The following INHBA variants were observed in gnomAD, a reference collection of about 807,000 sequenced individuals.
The protein encoded by INHBA is inhibin subunit beta A.
In INHBA, 1 loss-of-function variant was observed where a neutral mutation model predicts 29.0. The observed-to-expected ratio is 0.03, with a 90% CI of 0.01 to 0.16. The LOEUF (loss-of-function observed/expected upper bound fraction) is 0.16. INHBA is among the 10% of genes least tolerant of loss of function. The pLI, the probability that INHBA is intolerant of heterozygous loss-of-function variation, is 1.00. For missense variants in INHBA, 376 were observed against 545.4 expected (o/e 0.69, Z 3.09); for synonymous variants, 242 against 216.8 (o/e 1.12, Z -1.02).
intron 2 of INHBA, among the ~76,000 whole-genome samples, chr7:41,695,128 TA>T (rs1449356848): frequency 6.6e-6 from 1 of 152,238 alleles, no homozygotes; most frequent in African/African-American, 2.4e-5. Flanking sequence ...CATTTTCAGT[TA>T]AATAAGCAAC....
rs1161409115 is a variant in INHBA, at chr7:41,686,602, A to T, written c.*3048T>A. ...TATACTTCTATTTCAAAGCCATATA[A>T]ATTTAACAAAATTAAAGTTTGTGGG... On this transcript the variant is annotated 3_prime_UTR_variant, in exon 3 of 3. Transcript: ENST00000242208. 3 of 152,220 alleles carry T rather than the reference A, an allele frequency of 2.0e-5. No homozygotes were observed. The highest frequency in any genetic ancestry group is 7.2e-5 in the African/African-American group (3 of 41,456). 9.4% of individuals were successfully genotyped at this position (152,220 alleles called of 1,614,324 possible). A position where few individuals can be genotyped will look rare whatever the true frequency, so the allele number is the denominator to read the frequency against.
chr7:41,700,001 G>A lies in INHBA; in HGVS notation c.374C>T (p.Thr125Met). The A allele has an allele frequency of 2.0e-6, 3 of 1,520,528 alleles. No homozygotes were observed. In the South Asian group the frequency reaches 3.5e-5, roughly 18 times the overall value. The allele number at this position is 1,520,528 out of a possible 1,614,324, so 94.2% of individuals were successfully genotyped here. ...ELMEQTSEII[T>M]FAESGTARKT... ...CCAGCACCAACCTGACTCGGCAAAC[G>A]TGATGATCTCCGAGGTCTGCTCCAT... Residue 125 changes from threonine (T) to methionine (M), a missense_variant, in exon 2 of 3, where the codon ACG (threonine) becomes ATG (methionine). Physicochemically the swap from Thr to Met is moderately conservative, Grantham distance 81 (BLOSUM62 -1). Around this residue, in one of 4 missense-constraint regions of INHBA, gnomAD observed 253 missense variants for 313.4 expected, o/e 0.81. Coordinates refer to ENST00000242208, the MANE Select transcript of INHBA (RefSeq NM_002192.4).
intron 2 of INHBA, chr7:41,691,110 C>T (rs1057373793): frequency 6.6e-6 from 1 of 152,334 alleles, no homozygotes. Context: ...AATGAGATAA[C>T]ATAAACAAAA....
Position 41,685,540 on chromosome 7 carries a change from A to G in INHBA, c.*4110T>C, listed in dbSNP as rs917953835. Reference sequence around the variant, plus strand: ...AACAACATCAACCACAGAACATAAAAAGTTTTAAAATAAAACAGGCTTCAG... The same window carrying G: ...AACAACATCAACCACAGAACATAAAGAGTTTTAAAATAAAACAGGCTTCAG... On this transcript the variant is annotated 3_prime_UTR_variant, in exon 3 of 3. Coordinates refer to ENST00000242208, the MANE Select transcript of INHBA (RefSeq NM_002192.4). 1.3e-5 allele frequency: 2 copies of G among 152,084 alleles called. No individual in the cohort carries two copies. The highest frequency in any genetic ancestry group is 4.8e-5 in the African/African-American group (2 of 41,444). The allele number at this position is 152,084 out of a possible 1,614,324, so 9.4% of individuals were successfully genotyped here.
At chr7:41,702,103 G>A (rs1794810237) in intron 1 of INHBA, among the ~76,000 whole-genome samples, 1 of 152,138 alleles carries the variant, frequency 6.6e-6, no homozygotes, top group South Asian at 2.1e-4. Context: ...AGCCCTCTTG[G>A]TTTCTGAAGA....
chr7:41,703,828 C>G (rs142216126), upstream of INHBA, among the ~76,000 whole-genome samples: 70 of 152,006 alleles, frequency 4.6e-4, no homozygotes, highest in Non-Finnish European at 6.9e-4. Context: ...ATGCATCATT[C>G]TTTTTTACCA....
In INHBA at chr7:41,690,555, GAC is replaced by G. The variant is rs1794479710; in HGVS notation, c.389-15_389-14del. 6.4e-7 allele frequency: 1 copy of G among 1,570,084 alleles called. No homozygotes were observed. The highest frequency in any genetic ancestry group is 1.4e-5 in the African/African-American group (1 of 73,408). On this transcript the variant is annotated splice_polypyrimidine_tract_variant and intron_variant, in intron 2 of 2. Transcript: ENST00000242208. Reference sequence around the variant, plus strand: ...TTCCTGGCTGTTCCTGAAGATGAAAGACAGCATAAGAGAAAACAGGCACACCT... The same window carrying G: ...TTCCTGGCTGTTCCTGAAGATGAAAGAGCATAAGAGAAAACAGGCACACCT...
At chr7:41,691,418 C>T (rs370133900) in intron 2 of INHBA, 1 of 152,268 alleles carries the variant, frequency 6.6e-6, no homozygotes, top group South Asian at 2.1e-4. Flanking sequence ...TCTTGAAAGT[C>T]CTTTACTGAA....
At chr7:41,703,268 G>C (rs991905816), upstream of INHBA, among the ~76,000 whole-genome samples, 4 of 152,170 alleles carry the variant, frequency 2.6e-5, no homozygotes, top group African/African-American at 9.7e-5. Context: ...CCTGGCTTCT[G>C]AGACACTACT....
chr7:41,691,831 G>A (rs1003893132), intron 2 of INHBA: 4 of 152,088 alleles, frequency 2.6e-5, no homozygotes, highest in Admixed American at 6.6e-5. Flanking sequence ...AAATAGAGGC[G>A]TCCTTAGCAT....
Position 41,700,015 on chromosome 7 carries a change from G to A in INHBA, c.360C>T (p.Thr120=), listed in dbSNP as rs1193769190. The change falls in exon 2 of 3, where the codon ACC becomes ACT. Residue 120 remains threonine, a synonymous_variant. Coordinates refer to ENST00000242208, the MANE Select transcript of INHBA (RefSeq NM_002192.4). ...RAEMNELMEQ[T]SEIITFAESG... ...ACTCGGCAAACGTGATGATCTCCGA[G>A]GTCTGCTCCATAAGTTCATTCATTT... The A allele has an allele frequency of 3.1e-6, 5 of 1,597,462 alleles. No homozygotes were observed. The South Asian group carries it at 5.5e-5, about 18-fold the overall frequency.
chr7:41,686,344 GC>G lies in INHBA; in HGVS notation c.*3305del, dbSNP rs1794392041. 1.3e-5 allele frequency: 2 copies of G among 152,202 alleles called. No homozygotes were observed. The highest frequency in any genetic ancestry group is 4.1e-4 in the South Asian group (2 of 4,822). The allele number at this position is 152,202 out of a possible 1,614,324, so 9.4% of individuals were successfully genotyped here. A position where few individuals can be genotyped will look rare whatever the true frequency, so the allele number is the denominator to read the frequency against. Reference sequence around the variant, plus strand: ...GATTGGTGTGGGCAGATTTTTAAGAGCCTAGAGTTTAGTCTTAGAGAAAGAG... The same window carrying G: ...GATTGGTGTGGGCAGATTTTTAAGAGCTAGAGTTTAGTCTTAGAGAAAGAG... On this transcript the variant is annotated 3_prime_UTR_variant, in exon 3 of 3. Coordinates refer to ENST00000242208, the MANE Select transcript of INHBA (RefSeq NM_002192.4).
chr7:41,701,375 G>A (rs1400643916), intron 1 of INHBA, among the ~76,000 whole-genome samples: 1 of 152,110 alleles, frequency 6.6e-6, no homozygotes, highest in African/African-American at 2.4e-5. Context: ...ATGGGATCCA[G>A]GGGAGATGGT....
At chr7:41,703,208 T>G (rs2128672234), upstream of INHBA, 1 of 152,302 alleles carries the variant, frequency 6.6e-6, no homozygotes, top group Non-Finnish European at 1.5e-5. Context: ...GGATGACTGG[T>G]TTTTCCAGTG....
At chr7:41,696,588 G>A (rs1347347164) in intron 2 of INHBA, among the ~76,000 whole-genome samples, 1 of 152,052 alleles carries the variant, frequency 6.6e-6, no homozygotes, top group Non-Finnish European at 1.5e-5. Flanking sequence ...TGGATACACT[G>A]ACAAGGAGCA....
intron 2 of INHBA, among the ~76,000 whole-genome samples, chr7:41,697,656 C>T (rs1426299464): frequency 6.6e-6 from 1 of 152,170 alleles, no homozygotes; most frequent in Non-Finnish European, 1.5e-5. Context: ...AAATGCATTC[C>T]TTTTTCTATT....
chr7:41,688,984 T>G lies in INHBA; in HGVS notation c.*666A>C. 4.3e-6 allele frequency: 1 copy of G among 232,968 alleles called. No homozygotes were observed. Among genetic ancestry groups the G allele is most frequent in the South Asian group, 1.8e-4 (1 of 5,528 alleles). The allele number at this position is 232,968 out of a possible 1,614,324, so 14.4% of individuals were successfully genotyped here. A position where few individuals can be genotyped will look rare whatever the true frequency, so the allele number is the denominator to read the frequency against. ...TCATTCTTTCCATACTTGTTCTCAA[T>G]TTTTTAATGTTGTTTGTTTTGTTTT... On this transcript the variant is annotated 3_prime_UTR_variant, in exon 3 of 3. Coordinates refer to ENST00000242208, the MANE Select transcript of INHBA (RefSeq NM_002192.4).
intron 2 of INHBA, among the ~76,000 whole-genome samples, chr7:41,698,676 T>C (rs1794703865): frequency 6.6e-6 from 1 of 152,182 alleles, no homozygotes; most frequent in Non-Finnish European, 1.5e-5. Flanking sequence ...GGGAAGCTTG[T>C]AGGACACCAG....
chr7:41,693,353 T>G (rs1291923437), intron 2 of INHBA, among the ~76,000 whole-genome samples: 3 of 152,218 alleles, frequency 2.0e-5, no homozygotes, highest in Non-Finnish European at 4.4e-5. Context: ...CTGACCCGCA[T>G]GCAGTGGACT....
Sources: gnomAD v4.1 joint callset for allele counts (sites outside exome capture counted in the v4.1 genomes callset) on GRCh38, gnomAD v4.1.1 for gene constraint, gnomAD v4.1.1 regional missense constraint, MANE v1.5 for transcripts, NCBI Gene and HGNC (gene_info 2026-07-23, HGNC 2026-07-21) for gene names.